CNTNAP2: variants seen among roughly 807,000 people sequenced by gnomAD.
The protein encoded by CNTNAP2 is contactin-associated protein-like 2.
In CNTNAP2, 98 loss-of-function variants were observed where a neutral mutation model predicts 155.2. That is an observed-to-expected ratio of 0.63 (90% CI 0.54 to 0.75). The LOEUF is 0.75. Among genes scored for constraint, CNTNAP2 ranks in the 30% least tolerant of loss-of-function variants. The pLI is 0.00. For synonymous variants in CNTNAP2, 651 were observed against 631.2 expected (o/e 1.03, Z -0.47); for missense variants, 1,727 against 1,688.1 (o/e 1.02, Z -0.40).
At chr7:146,212,787 T>C (rs1021961214) in intron 1 of CNTNAP2, among the ~76,000 whole-genome samples, 5 of 152,190 alleles carry the variant, frequency 3.3e-5, no homozygotes, top group African/African-American at 1.2e-4. Flanking sequence ...GGGGCCCTTA[T>C]AGACACAAAC....
At chr7:147,499,860 T>G (rs1028367412) in intron 11 of CNTNAP2, among the ~76,000 whole-genome samples, 1 of 152,164 alleles carries the variant, frequency 6.6e-6, no homozygotes, top group African/African-American at 2.4e-5. Context: ...CACTAGTGTT[T>G]CTAGCTCTGT....
chr7:147,029,064 C>T (rs988231242), intron 3 of CNTNAP2, among the ~76,000 whole-genome samples: 51 of 149,350 alleles, frequency 3.4e-4, no homozygotes, highest in African/African-American at 1.1e-3. Flanking sequence ...CTCGGGTTCA[C>T]GCCATTCTCC....
chr7:146,957,510 C>T (rs1245914069), intron 3 of CNTNAP2, among the ~76,000 whole-genome samples: 1 of 152,084 alleles, frequency 6.6e-6, no homozygotes, highest in Non-Finnish European at 1.5e-5. Context: ...AAACATGTTG[C>T]AAGCATACAC....
intron 1 of CNTNAP2, among the ~76,000 whole-genome samples, chr7:146,182,122 A>G (rs1341759960): frequency 6.6e-6 from 1 of 152,144 alleles, no homozygotes; most frequent in African/African-American, 2.4e-5. Context: ...AAAGAAAAAG[A>G]AAATTTTAAA....
intron 1 of CNTNAP2, among the ~76,000 whole-genome samples, chr7:146,730,229 C>T (rs527538156): frequency 4.0e-5 from 6 of 151,502 alleles, no homozygotes; most frequent in South Asian, 4.2e-4. Flanking sequence ...AACTTGGTGA[C>T]GAACTCAGTT....
At chr7:146,679,671 C>G (rs563145608) in intron 1 of CNTNAP2, among the ~76,000 whole-genome samples, 1 of 151,750 alleles carries the variant, frequency 6.6e-6, no homozygotes, top group South Asian at 2.1e-4. Context: ...GTTTCTTTCT[C>G]TCCCTTCCTT....
At chr7:146,926,168 TTA>T (rs1345999694) in intron 3 of CNTNAP2, among the ~76,000 whole-genome samples, 2 of 152,150 alleles carry the variant, frequency 1.3e-5, no homozygotes, top group African/African-American at 4.8e-5. Flanking sequence ...GAATATTTTA[TTA>T]TTAAATAACT....
chr7:147,027,436 G>A (rs1003129163), intron 3 of CNTNAP2, among the ~76,000 whole-genome samples: 17 of 152,262 alleles, frequency 1.1e-4, no homozygotes, highest in Non-Finnish European at 2.5e-4. Flanking sequence ...CTTCAATTAA[G>A]TCAATTATGT....
rs558741492 is a variant in CNTNAP2 at position 146,256,614 on chromosome 7, A to G, written c.97+139641A>G. 7.3e-4 allele frequency among the ~76,000 whole-genome samples: 111 copies of G among 152,104 alleles called. 1 individual carries two copies. Among genetic ancestry groups the G allele is most frequent in the African/African-American group, 2.5e-3 (105 of 41,556 alleles). ...TCAAAATCAATAACTATATGTTAGTATCAATAAAATGCCAATTAAAAATAT... is the reference window on the plus strand; with the variant it reads ...TCAAAATCAATAACTATATGTTAGTGTCAATAAAATGCCAATTAAAAATAT... On this transcript the variant is annotated intron_variant, in intron 1 of 23. Coordinates refer to ENST00000361727, the MANE Select transcript of CNTNAP2 (RefSeq NM_014141.6).
intron 10 of CNTNAP2, among the ~76,000 whole-genome samples, chr7:147,463,287 T>C (rs927770020): frequency 6.6e-6 from 1 of 152,228 alleles, no homozygotes; most frequent in Non-Finnish European, 1.5e-5. Context: ...GAAGGAACTA[T>C]TAAAAACAGA....
At chr7:148,190,131 G>T (rs1433513364) in intron 18 of CNTNAP2, 1 of 152,222 alleles carries the variant, frequency 6.6e-6, no homozygotes, top group African/African-American at 2.4e-5. Flanking sequence ...AAATTATGCT[G>T]CCTGACTTCC....
intron 1 of CNTNAP2, among the ~76,000 whole-genome samples, chr7:146,350,256 C>T (rs546328253): frequency 6.6e-5 from 10 of 152,100 alleles, no homozygotes; most frequent in Non-Finnish European, 8.8e-5. Context: ...TCCAGTTGAT[C>T]GAAAATTTTT....
At chr7:146,402,571 G>A (rs1197240317) in intron 1 of CNTNAP2, among the ~76,000 whole-genome samples, 1 of 152,040 alleles carries the variant, frequency 6.6e-6, no homozygotes, top group Non-Finnish European at 1.5e-5. Context: ...CTGCCAAAAA[G>A]GAAGTAAGCA....
intron 20 of CNTNAP2, among the ~76,000 whole-genome samples, chr7:148,239,049 GA>G (rs5888312): frequency 0.7 from 107,141 of 152,056 alleles, 39,213 homozygotes; most frequent in East Asian, 0.95. Context: ...CACTGCTCTT[GA>G]AATTACATTT....
At chr7:147,212,846 A>G (rs968708072) in intron 8 of CNTNAP2, among the ~76,000 whole-genome samples, 2 of 152,206 alleles carry the variant, frequency 1.3e-5, no homozygotes, top group African/African-American at 4.8e-5. Context: ...AAATAGAAAA[A>G]TGAAATGTGA....
chr7:146,659,798 T>A (rs989405470), intron 1 of CNTNAP2, among the ~76,000 whole-genome samples: 1 of 152,212 alleles, frequency 6.6e-6, no homozygotes, highest in African/African-American at 2.4e-5. Context: ...TCCAAACTTT[T>A]CTTATAAATA....
intron 10 of CNTNAP2, among the ~76,000 whole-genome samples, chr7:147,473,308 A>G (rs950030160): frequency 2.3e-4 from 35 of 152,140 alleles, no homozygotes; most frequent in Admixed American, 1.5e-3. Flanking sequence ...AACATTAATG[A>G]CCACATATTG....
At chr7:148,166,098 C>T (rs938295589) in intron 17 of CNTNAP2, among the ~76,000 whole-genome samples, 1 of 151,908 alleles carries the variant, frequency 6.6e-6, no homozygotes, top group Non-Finnish European at 1.5e-5. Flanking sequence ...TTGCAGCCTC[C>T]CCCACCCCAC....
intron 1 of CNTNAP2, among the ~76,000 whole-genome samples, chr7:146,572,374 C>CT (rs1050247532): frequency 6.8e-6 from 1 of 148,012 alleles, no homozygotes; most frequent in Non-Finnish European, 1.5e-5. Context: ...GGTCTCCTAT[C>CT]TTTTTTCTTT....
Sources: gnomAD v4.1 joint callset for allele counts (sites outside exome capture counted in the v4.1 genomes callset) on GRCh38, gnomAD v4.1.1 for gene constraint, MANE v1.5 for transcripts, NCBI Gene and HGNC (gene_info 2026-07-23, HGNC 2026-07-21) for gene names.